The following PHLDB3 variants were observed in gnomAD, a reference collection of about 807,000 sequenced individuals.
PHLDB3 encodes the protein pleckstrin homology like domain family B member 3.
PHLDB3 carries 86 observed loss-of-function variants against 85.7 expected under a neutral mutation model. The observed-to-expected ratio is 1.00, with a 90% CI of 0.84 to 1.20. The LOEUF (loss-of-function observed/expected upper bound fraction) is 1.20, where lower values mean the gene tolerates loss of function less well. PHLDB3 is among the 50% of genes most tolerant of loss of function. PHLDB3 has a pLI of 0.00. For synonymous variants in PHLDB3, 376 were observed against 349.8 expected (o/e 1.07, Z -0.83); for missense variants, 995 against 873.0 (o/e 1.14, Z -1.76).
At chr19:43,477,652 T>C (rs1053216208) in intron 15 of PHLDB3, among the ~76,000 whole-genome samples, 1 of 149,328 alleles carries the variant, frequency 6.7e-6, no homozygotes, top group Non-Finnish European at 1.5e-5. Context: ...CCGTCTCTAC[T>C]AAAAATACAA....
chr19:43,497,984 C>T (rs1217110951), intron 4 of PHLDB3, 108 bp from the exon 5 acceptor site: 6 of 1,452,110 alleles, frequency 4.1e-6, no homozygotes, highest in African/African-American at 1.4e-5. Context: ...AAGGCAGGGA[C>T]TTCATCTATG....
rs201918198 is a variant in PHLDB3 at position 43,495,366 on chromosome 19, G to A, written c.952-27C>T. On this transcript the variant is annotated intron_variant, in intron 7 of 15. Transcript: ENST00000292140. Reference sequence around the variant, plus strand: ...TACCAGAAGATATGGACAGCTACGTGTCAAAGTCAGAATGGGCTGTCCCAG... The same window carrying A: ...TACCAGAAGATATGGACAGCTACGTATCAAAGTCAGAATGGGCTGTCCCAG... 29 of 1,609,080 alleles carry A rather than the reference G, an allele frequency of 1.8e-5. No homozygotes were observed. In the East Asian group the frequency reaches 5.6e-4, roughly 31 times the overall value.
intron 13 of PHLDB3, among the ~76,000 whole-genome samples, chr19:43,485,221 T>G (rs577685360): frequency 1.3e-4 from 19 of 150,638 alleles, no homozygotes; most frequent in African/African-American, 4.6e-4. Flanking sequence ...GGTTTTTTGT[T>G]TTTTTTTTTG....
intron 9 of PHLDB3, among the ~76,000 whole-genome samples, chr19:43,492,022 C>T (rs1405007141): frequency 6.9e-6 from 1 of 144,708 alleles, no homozygotes; most frequent in Admixed American, 7.2e-5. Flanking sequence ...GTGGCATGAT[C>T]TCGGCTCACT....
intron 13 of PHLDB3, among the ~76,000 whole-genome samples, chr19:43,480,266 A>T (rs1971017141): frequency 1.8e-5 from 1 of 54,340 alleles, no homozygotes; most frequent in Non-Finnish European, 3.8e-5. Flanking sequence ...TCTCTATTTA[A>T]AAAAAAAAAA....
intron 9 of PHLDB3, among the ~76,000 whole-genome samples, chr19:43,490,482 G>C (rs553953506): frequency 1.7e-4 from 26 of 152,196 alleles, no homozygotes; most frequent in Admixed American, 1.7e-3. Flanking sequence ...GAGTCTGGGA[G>C]GTAGAGGCTG....
intron 13 of PHLDB3, among the ~76,000 whole-genome samples, chr19:43,483,251 G>C (rs1412733052): frequency 6.6e-6 from 1 of 151,898 alleles, no homozygotes; most frequent in African/African-American, 2.4e-5. Flanking sequence ...GGAAGAAAGT[G>C]ACCACTTTCT....
chr19:43,504,086 G>C lies in PHLDB3; in HGVS notation c.33C>G (p.Thr11=). 1 of 1,610,840 alleles carries C rather than the reference G, an allele frequency of 6.2e-7. No homozygotes were observed. The highest frequency in any genetic ancestry group is 8.5e-7 in the Non-Finnish European group (1 of 1,178,708). ...CGCATTCCGGGACCAGCGGCGGCGG[G>C]GTCCCCTCCTCGGGGCTGCTTCGCG... MGTRSSPEEG[T]PPPLVPECDV... Residue 11 remains threonine (T), a synonymous_variant, in exon 2 of 16, where the codon ACC becomes ACG. Coordinates refer to ENST00000292140, the MANE Select transcript of PHLDB3 (RefSeq NM_198850.4).
At chr19:43,502,512 G>T (rs1241245510) in intron 2 of PHLDB3, among the ~76,000 whole-genome samples, 1 of 147,990 alleles carries the variant, frequency 6.8e-6, no homozygotes, top group Non-Finnish European at 1.5e-5. Flanking sequence ...GCAGTGGCGC[G>T]ATTACGGCTC....
At chr19:43,497,919 G>T in intron 4 of PHLDB3, 43 bp from the exon 5 acceptor site, 1 of 1,563,016 alleles carries the variant, frequency 6.4e-7, no homozygotes, top group South Asian at 1.2e-5. Flanking sequence ...TAAGCATAGC[G>T]GGAGAAGCAG....
rs775325878 is a variant in PHLDB3, at chr19:43,475,466, T to A, written c.1867A>T (p.Met623Leu). 6.2e-7 allele frequency: 1 copy of A among 1,612,462 alleles called. No individual in the cohort carries two copies. The highest frequency in any genetic ancestry group is 8.5e-7 in the Non-Finnish European group (1 of 1,178,940). Residue 623 changes from methionine to leucine, a missense_variant, in exon 16 of 16, where the codon ATG (methionine) becomes TTG (leucine). Transcript: ENST00000292140. ...ACGATGACGTCCATCCAAATGCGCA[T>A]GGCTTCGGGGCTCGGAGCCACCATG... The part of the protein sequence containing the change: ...FYMVAPSPEA[M>L]RIWMDVIVTA...
At chr19:43,476,331 G>A (rs538346845) in intron 15 of PHLDB3, among the ~76,000 whole-genome samples, 4 of 152,170 alleles carry the variant, frequency 2.6e-5, no homozygotes, top group East Asian at 3.9e-4. Flanking sequence ...GGGTTGATGC[G>A]TACCCATTCT....
In PHLDB3 at chr19:43,486,766, C is replaced by G; in HGVS notation, c.1340+14G>C. ...CTCTTCTTCCATCTCCCCACCTTCT[C>G]TCTGATGTCTCACCTATTCCCACGG... On this transcript the variant is annotated intron_variant, in intron 11 of 15. Coordinates refer to ENST00000292140, the MANE Select transcript of PHLDB3 (RefSeq NM_198850.4). 1 of 1,608,380 alleles carries G rather than the reference C, an allele frequency of 6.2e-7. No homozygotes were observed.
chr19:43,499,832 C>T (rs903160074), intron 4 of PHLDB3, among the ~76,000 whole-genome samples: 1 of 152,030 alleles, frequency 6.6e-6, no homozygotes, highest in Non-Finnish European at 1.5e-5. Flanking sequence ...CTCCACCTCC[C>T]GGATTCAAGC....
intron 9 of PHLDB3, among the ~76,000 whole-genome samples, chr19:43,491,124 T>A (rs1022106732): frequency 1.3e-5 from 2 of 152,166 alleles, no homozygotes; most frequent in Admixed American, 1.3e-4. Context: ...GGACATGGCG[T>A]CCCACCAAAT....
At chr19:43,497,711 C>CAA in intron 5 of PHLDB3, 37 bp downstream of exon 5, 1 of 1,529,972 alleles carries the variant, frequency 6.5e-7, no homozygotes. Context: ...GACTCTGTCT[C>CAA]AAAAAAAACA....
chr19:43,487,297 G>GA (rs1208568274), intron 9 of PHLDB3, among the ~76,000 whole-genome samples, 174 bp from the exon 10 acceptor site: 10 of 152,114 alleles, frequency 6.6e-5, no homozygotes, highest in Non-Finnish European at 1.5e-4. Context: ...ATATCAAGCT[G>GA]AGCACAGTGG....
intron 4 of PHLDB3, among the ~76,000 whole-genome samples, chr19:43,500,895 G>GTCCC (rs1971570922): frequency 3.0e-5 from 1 of 33,556 alleles, no homozygotes; most frequent in African/African-American, 1.7e-4. Context: ...CTCCCACTTT[G>GTCCC]CCCCGCCCCC....
chr19:43,475,716 A>T (rs985007942), intron 15 of PHLDB3, among the ~76,000 whole-genome samples, 172 bp from the exon 16 acceptor site: 1 of 152,224 alleles, frequency 6.6e-6, no homozygotes, highest in African/African-American at 2.4e-5. Context: ...CTGGGTTATA[A>T]GGATTAAATG....
Sources: allele counts gnomAD v4.1 joint callset (sites outside exome capture counted in the v4.1 genomes callset), GRCh38; gene constraint gnomAD v4.1.1; transcripts MANE v1.5; gene names NCBI Gene and HGNC (gene_info 2026-07-23, HGNC 2026-07-21).